Variants in XKR9 observed in about 807,000 individuals in gnomAD.
The protein encoded by XKR9 is XK-related protein 9.
A neutral mutation model predicts 32.0 loss-of-function variants in XKR9; 32 were observed. The observed-to-expected ratio is 1.00, with a 90% CI of 0.76 to 1.34. The LOEUF is 1.34. Among genes scored for constraint, XKR9 ranks in the 40% most tolerant of loss-of-function variants. The pLI, the probability that XKR9 is intolerant of heterozygous loss-of-function variation, is 0.00. For synonymous variants in XKR9, 168 were observed against 143.4 expected (o/e 1.17, Z -1.22); for missense variants, 546 against 429.7 (o/e 1.27, Z -2.39).
chr8:70,814,125 G>A, the XKR9 span, among the ~76,000 whole-genome samples: 1 of 152,130 alleles, frequency 6.6e-6, no homozygotes, highest in African/African-American at 2.4e-5. Context: ...AAAAAATGAA[G>A]AGTTCATGTC....
At chr8:70,885,509 C>T in the XKR9 span, among the ~76,000 whole-genome samples, 1 of 152,108 alleles carries the variant, frequency 6.6e-6, no homozygotes, top group African/African-American at 2.4e-5. Context: ...ATCAATCTGT[C>T]ATCTAGGTTT....
At chr8:70,904,899 T>C in the XKR9 span, among the ~76,000 whole-genome samples, 1 of 152,234 alleles carries the variant, frequency 6.6e-6, no homozygotes, top group Non-Finnish European at 1.5e-5. Context: ...TGTCTTGATA[T>C]GAAATTCTGG....
the XKR9 span, among the ~76,000 whole-genome samples, chr8:70,883,378 G>T: frequency 6.6e-6 from 1 of 151,946 alleles, no homozygotes; most frequent in South Asian, 2.1e-4. Flanking sequence ...CTACTTGTTG[G>T]TCAATAGACT....
chr8:70,840,582 A>G, the XKR9 span, among the ~76,000 whole-genome samples: 1 of 152,164 alleles, frequency 6.6e-6, no homozygotes, highest in Non-Finnish European at 1.5e-5. Context: ...ATTCATAGCA[A>G]TGATTCCATC....
chr8:70,710,232 A>C (rs995583421), intron 4 of XKR9, among the ~76,000 whole-genome samples: 8 of 152,348 alleles, frequency 5.3e-5, no homozygotes, highest in East Asian at 3.9e-4. Context: ...AAAACAGGCT[A>C]GCCATGTTTA....
chr8:70,677,200 C>T (rs529149595), intron 2 of XKR9, among the ~76,000 whole-genome samples: 4 of 152,182 alleles, frequency 2.6e-5, no homozygotes, highest in Admixed American at 2.0e-4. Context: ...GTCTGGAGTG[C>T]AGCGATGCCA....
At chr8:70,816,657 C>A in the XKR9 span, among the ~76,000 whole-genome samples, 18 of 152,104 alleles carry the variant, frequency 1.2e-4, no homozygotes, top group African/African-American at 3.6e-4. Flanking sequence ...ACAAAGTGAA[C>A]CCTATTAGGC....
At chr8:70,957,412 C>T in the XKR9 span, among the ~76,000 whole-genome samples, 1 of 152,082 alleles carries the variant, frequency 6.6e-6, no homozygotes, top group African/African-American at 2.4e-5. Flanking sequence ...GGTACATGTG[C>T]AGGATGTGCA....
chr8:70,938,011 G>C, the XKR9 span, among the ~76,000 whole-genome samples: 21 of 152,160 alleles, frequency 1.4e-4, no homozygotes, highest in Admixed American at 5.9e-4. Context: ...GAGTCTTGTT[G>C]GGGACATGAG....
the XKR9 span, among the ~76,000 whole-genome samples, chr8:71,019,711 C>A: frequency 6.6e-6 from 1 of 152,152 alleles, no homozygotes; most frequent in Non-Finnish European, 1.5e-5. Flanking sequence ...GGAATTCTCA[C>A]CAGTCATTAT....
chr8:70,690,918 CT>C (rs1475117341), intron 3 of XKR9, among the ~76,000 whole-genome samples: 1 of 151,394 alleles, frequency 6.6e-6, no homozygotes, highest in Non-Finnish European at 1.5e-5. Flanking sequence ...GTAGAATGCT[CT>C]GGGTATATAC....
Position 70,734,355 on chromosome 8 carries a change from A to G in XKR9, c.1053A>G (p.Thr351=). The G allele has an allele frequency of 6.2e-7, 1 of 1,611,140 alleles. No homozygotes were observed. Among genetic ancestry groups the G allele is most frequent in the Non-Finnish European group, 8.5e-7 (1 of 1,179,448 alleles). The change falls in exon 5 of 5, where the codon ACA becomes ACG. Residue 351 remains threonine (T), a synonymous_variant. Coordinates refer to ENST00000408926, the MANE Select transcript of XKR9 (RefSeq NM_001011720.2). ...TTCACCCAAACAGAAGTGCAGAAAC[A>G]AAATGTGATGAAATTGATGGAAAAC... ...GSFHPNRSAE[T]KCDEIDGKPV... is the part of the protein sequence containing the mutation.
At chr8:70,754,606 C>T (rs1052721568) in intron 2 of XKR9, among the ~76,000 whole-genome samples, 2 of 151,346 alleles carry the variant, frequency 1.3e-5, no homozygotes, top group African/African-American at 4.8e-5. Flanking sequence ...AGAAATAACG[C>T]CGCACATCTA....
Position 70,734,335 on chromosome 8 carries a change from C to G in XKR9, c.1033C>G (p.Pro345Ala). ...FLIVYYGSFH[P>A]NRSAETKCDE... ...TATTGTTTATTATGGGAGTTTTCAC[C>G]CAAACAGAAGTGCAGAAACAAAATG... Residue 345 changes from proline to alanine, a missense_variant, in exon 5 of 5, where the codon CCA becomes GCA. Pro to Ala is a conservative substitution (Grantham distance 27). Coordinates refer to ENST00000408926, the MANE Select transcript of XKR9 (RefSeq NM_001011720.2). 1.2e-6 allele frequency: 2 copies of G among 1,611,534 alleles called. No individual in the cohort carries two copies. The highest frequency in any genetic ancestry group is 1.7e-6 in the Non-Finnish European group (2 of 1,179,330).
downstream of XKR9, among the ~76,000 whole-genome samples, chr8:70,738,747 C>T (rs1434703896): frequency 6.6e-6 from 1 of 152,088 alleles, no homozygotes; most frequent in Admixed American, 6.6e-5. Context: ...CATTCAGGAG[C>T]AGGTTGTTCA....
At chr8:70,792,442 G>T (rs563574323), downstream of XKR9, among the ~76,000 whole-genome samples, 2 of 152,214 alleles carry the variant, frequency 1.3e-5, no homozygotes, top group African/African-American at 4.8e-5. Context: ...CCTTGAAGCT[G>T]AGTTTTGAGT....
chr8:70,789,337 A>G (rs1238851840), intron 2 of XKR9: 1 of 152,132 alleles, frequency 6.6e-6, no homozygotes, highest in African/African-American at 2.4e-5. Flanking sequence ...TCATACATAT[A>G]GGAAGCTTTG....
At chr8:70,840,594 T>G in the XKR9 span, among the ~76,000 whole-genome samples, 2 of 152,176 alleles carry the variant, frequency 1.3e-5, no homozygotes. Flanking sequence ...GATTCCATCC[T>G]CAGACTTCTT....
chr8:71,011,788 T>C, the XKR9 span, among the ~76,000 whole-genome samples: 1 of 152,198 alleles, frequency 6.6e-6, no homozygotes, highest in East Asian at 1.9e-4. Flanking sequence ...GGGGGGAAAC[T>C]GTTTGCCAAA....
Sources: gnomAD v4.1 joint callset for allele counts (sites outside exome capture counted in the v4.1 genomes callset) on GRCh38, gnomAD v4.1.1 for gene constraint, MANE v1.5 for transcripts, NCBI Gene and HGNC (gene_info 2026-07-23, HGNC 2026-07-21) for gene names.